CSMD1: variants seen among roughly 807,000 people sequenced by gnomAD.
CSMD1 encodes the protein CUB and sushi domain-containing protein 1.
Under a neutral mutation model 417.5 loss-of-function variants are expected in CSMD1, and 213 were observed. That is an observed-to-expected ratio of 0.51 (90% confidence interval 0.46 to 0.57). The LOEUF (loss-of-function observed/expected upper bound fraction) is 0.57. Ranked by LOEUF, CSMD1 falls within the 20% of genes least tolerant of loss-of-function variation. The pLI is 0.00. For synonymous variants in CSMD1, 2,862 were observed against 1,736.8 expected, an observed-to-expected ratio of 1.65 and a Z score of -16.11; for missense variants, 6,923 against 4,529.7, an observed-to-expected ratio of 1.53 and a Z score of -15.17.
chr8:4,931,007 C>T (rs1458043701), intron 1 of CSMD1, among the ~76,000 whole-genome samples: 3 of 152,100 alleles, frequency 2.0e-5, no homozygotes, highest in African/African-American at 7.2e-5. Context: ...TATGTATTAT[C>T]AATGGGAGAC....
At chr8:4,842,580 G>A (rs115998259) in intron 1 of CSMD1, among the ~76,000 whole-genome samples, 3,240 of 152,250 alleles carry the variant, frequency 0.021, 110 homozygotes, top group African/African-American at 0.074. Context: ...TGAGCATAGG[G>A]CACATGTATC....
intron 26 of CSMD1, among the ~76,000 whole-genome samples, chr8:3,277,664 G>C (rs56073436): frequency 0.27 from 40,947 of 152,044 alleles, 5,751 homozygotes; most frequent in Non-Finnish European, 0.32. Context: ...CAAGGACTGT[G>C]GTTGAGTTTC....
chr8:3,494,584 A>C (rs985325911), intron 10 of CSMD1, among the ~76,000 whole-genome samples: 1 of 151,950 alleles, frequency 6.6e-6, no homozygotes, highest in African/African-American at 2.4e-5. Flanking sequence ...AGATAGATAG[A>C]TAGATAGATA....
intron 1 of CSMD1, among the ~76,000 whole-genome samples, chr8:4,699,717 G>A (rs1807390300): frequency 6.6e-6 from 1 of 152,150 alleles, no homozygotes; most frequent in African/African-American, 2.4e-5. Context: ...GACAATTTAT[G>A]AGGTGTTAAT....
intron 3 of CSMD1, among the ~76,000 whole-genome samples, chr8:4,243,085 G>C (rs565071817): frequency 6.6e-6 from 1 of 152,046 alleles, no homozygotes; most frequent in Non-Finnish European, 1.5e-5. Flanking sequence ...CTTGCCATGA[G>C]GTCTTAGAAT....
chr8:3,305,278 A>G (rs1184857567), intron 25 of CSMD1, among the ~76,000 whole-genome samples: 1 of 152,124 alleles, frequency 6.6e-6, no homozygotes, highest in Admixed American at 6.5e-5. Context: ...TGTTGTCCCA[A>G]CAGATCAATA....
At chr8:4,121,769 A>G (rs1444487411) in intron 3 of CSMD1, among the ~76,000 whole-genome samples, 1 of 152,168 alleles carries the variant, frequency 6.6e-6, no homozygotes, top group African/African-American at 2.4e-5. Context: ...ACAAAATTAC[A>G]AAGGTAATAT....
intron 29 of CSMD1, among the ~76,000 whole-genome samples, chr8:3,215,251 C>T (rs1044339096): frequency 1.3e-5 from 2 of 152,136 alleles, no homozygotes; most frequent in African/African-American, 2.4e-5. Context: ...CTTTTACTAC[C>T]GTATTTCTGT....
intron 3 of CSMD1, among the ~76,000 whole-genome samples, chr8:4,398,966 C>A (rs544203061): frequency 1.3e-5 from 2 of 152,300 alleles, no homozygotes; most frequent in Admixed American, 6.5e-5. Context: ...TTAAAAGCTT[C>A]TTCCAGGAAA....
chr8:3,214,519 G>A lies in CSMD1; in HGVS notation c.4845C>T (p.Asp1615=), dbSNP rs1195549087. ...CACCATTGCAGGAGGGCAGCACTTG[G>A]TCCCAGGAGGGTTTCCCATCAGCCC... is the stretch of plus-strand genomic sequence containing the variant. The part of the protein sequence containing the change: ...VIGADGKPSW[D]QVLPSCNAPC... The change falls in exon 30 of 70, where the codon GAC becomes GAT. Residue 1615 remains aspartate (D), a synonymous_variant. Transcript: ENST00000635120. 9 of 1,599,018 alleles carry A rather than the reference G, an allele frequency of 5.6e-6. No individual in the cohort carries two copies. Among genetic ancestry groups the A allele is most frequent in the East Asian group, 2.2e-5 (1 of 44,474 alleles).
At chr8:4,598,719 G>A (rs1041049495) in intron 2 of CSMD1, among the ~76,000 whole-genome samples, 3 of 152,142 alleles carry the variant, frequency 2.0e-5, no homozygotes, top group Non-Finnish European at 2.9e-5. Context: ...GCCAGTGTGG[G>A]TACTGGTACT....
chr8:4,686,574 G>C (rs949568146), intron 1 of CSMD1, among the ~76,000 whole-genome samples: 6 of 152,220 alleles, frequency 3.9e-5, no homozygotes, highest in Non-Finnish European at 8.8e-5. Flanking sequence ...ATAAGCATTA[G>C]ATCACAAGTC....
chr8:4,147,885 G>A (rs967635998), intron 3 of CSMD1, among the ~76,000 whole-genome samples: 12 of 152,112 alleles, frequency 7.9e-5, no homozygotes, highest in Admixed American at 6.5e-4. Context: ...ATCAGGGGCT[G>A]CATGTGATTC....
At chr8:4,522,962 G>C (rs78281782) in intron 2 of CSMD1, among the ~76,000 whole-genome samples, 2,452 of 152,246 alleles carry the variant, frequency 0.016, 61 homozygotes, top group East Asian at 0.058. Context: ...CCTGGAAATG[G>C]AAAAGTTAAG....
chr8:4,024,798 C>G (rs1485970564), intron 4 of CSMD1, among the ~76,000 whole-genome samples: 1 of 152,194 alleles, frequency 6.6e-6, no homozygotes, highest in African/African-American at 2.4e-5. Context: ...CAGCTTGTGA[C>G]TGGGAACTTC....
At chr8:3,512,914 T>C (rs1475856872) in intron 10 of CSMD1, among the ~76,000 whole-genome samples, 1 of 152,098 alleles carries the variant, frequency 6.6e-6, no homozygotes, top group Admixed American at 6.6e-5. Context: ...GAGGAAGATG[T>C]AACACGTGGG....
intron 1 of CSMD1, among the ~76,000 whole-genome samples, chr8:4,901,059 TAC>T (rs1381298212): frequency 6.6e-6 from 1 of 152,198 alleles, no homozygotes; most frequent in East Asian, 1.9e-4. Flanking sequence ...AAAAGGAGAT[TAC>T]ACAGAGTTGA....
chr8:4,518,687 G>A (rs1413611538), intron 2 of CSMD1, among the ~76,000 whole-genome samples: 1 of 151,390 alleles, frequency 6.6e-6, no homozygotes, highest in Non-Finnish European at 1.5e-5. Flanking sequence ...TAACGGTGCA[G>A]CACACCAACG....
chr8:3,080,593 T>C (rs1814017274), intron 49 of CSMD1, among the ~76,000 whole-genome samples: 1 of 152,204 alleles, frequency 6.6e-6, no homozygotes, highest in African/African-American at 2.4e-5. Flanking sequence ...TGGGAAGATC[T>C]CTGTCCGGGT....
Sources: gnomAD v4.1 joint callset for allele counts (sites outside exome capture counted in the v4.1 genomes callset) on GRCh38, gnomAD v4.1.1 for gene constraint, MANE v1.5 for transcripts, NCBI Gene and HGNC (gene_info 2026-07-23, HGNC 2026-07-21) for gene names.